SYCE1L: variants seen among roughly 807,000 people sequenced by gnomAD.
SYCE1L encodes the protein synaptonemal complex central element protein 1-like.
SYCE1L carries 51 observed loss-of-function variants against 39.6 expected under a neutral mutation model. The ratio of observed to expected loss-of-function variants is 1.29; its 90% confidence interval spans 1.03 to 1.63. The LOEUF (loss-of-function observed/expected upper bound fraction) is 1.63. Ranked by LOEUF, SYCE1L falls within the 40% of genes most tolerant of loss-of-function variation. The probability of loss-of-function intolerance (pLI) is 0.00; values close to 1 mark genes in which losing one functional copy is unlikely to be tolerated. For synonymous variants in SYCE1L, 147 were observed against 122.4 expected (o/e 1.20, Z -1.33); for missense variants, 426 against 304.9 (o/e 1.40, Z -2.96).
chr16:77,205,056 A>AAAAAAAAG (rs1471925292), intron 1 of SYCE1L, among the ~76,000 whole-genome samples: 11,245 of 139,944 alleles, frequency 0.08, 668 homozygotes, highest in East Asian at 0.24. Context: ...AAAAAAAAAA[A>AAAAAAAAG]AAAAGAAAAG....
chr16:77,205,433 A>AATATATATATATATATATATATATGT (rs145238524), intron 1 of SYCE1L, among the ~76,000 whole-genome samples: 23 of 145,294 alleles, frequency 1.6e-4, no homozygotes, highest in African/African-American at 5.5e-4. Context: ...CATAGAAGTA[A>AATATATATATATATATATATATATGT]ATATATATAT....
intron 5 of SYCE1L, 112 bp from the exon 6 acceptor site, chr16:77,209,305 C>A (rs1308236478): frequency 1.5e-6 from 2 of 1,376,032 alleles, no homozygotes; most frequent in African/African-American, 1.4e-5. Context: ...GAGTAAACAC[C>A]CAAGTCCTCA....
chr16:77,200,291 T>TATACATATATATATATATACAC, intron 1 of SYCE1L: 1 of 111,430 alleles, frequency 9.0e-6, no homozygotes, highest in African/African-American at 3.4e-5. Context: ...TATATATATA[T>TATACATATATATATATATACAC]ACACACACTA....
At chr16:77,211,158 C>T (rs1348171940) in intron 6 of SYCE1L, 55 bp from the exon 7 acceptor site, 6 of 1,544,372 alleles carry the variant, frequency 3.9e-6, no homozygotes, top group Non-Finnish European at 8.8e-7. Flanking sequence ...GAGGAGCCCC[C>T]AACAGGGTGT....
In SYCE1L at chr16:77,209,095, A is replaced by C. The variant is rs1281034916; in HGVS notation, c.257-2A>C. 1 of 1,551,690 alleles carries C rather than the reference A, an allele frequency of 6.4e-7. No homozygotes were observed. The highest frequency in any genetic ancestry group is 1.2e-5 in the South Asian group (1 of 84,064). On this transcript the variant is annotated splice_acceptor_variant, in intron 4 of 10. Coordinates refer to ENST00000378644, the MANE Select transcript of SYCE1L (RefSeq NM_001129979.3). LOFTEE classifies it high-confidence loss of function. ...GGCAGAAAGTGTCATTGTGTTTTCCAGTGAATGGAGAGAAAGTGCACCTAG... is the reference window on the plus strand; with the variant it reads ...GGCAGAAAGTGTCATTGTGTTTTCCCGTGAATGGAGAGAAAGTGCACCTAG...
chr16:77,211,585 G>A (rs969255649), intron 7 of SYCE1L, among the ~76,000 whole-genome samples: 2 of 152,178 alleles, frequency 1.3e-5, no homozygotes, highest in East Asian at 3.8e-4. Context: ...GGAAAGCCAT[G>A]GTCAGGTCAT....
chr16:77,207,655 G>A (rs57007576), intron 2 of SYCE1L, among the ~76,000 whole-genome samples: 2 of 152,024 alleles, frequency 1.3e-5, no homozygotes, highest in Non-Finnish European at 1.5e-5. Context: ...AGGCTTCCAC[G>A]GTGGCCCAAG....
chr16:77,205,056 A>AAAAAAAAAAAAAG (rs1471925292), intron 1 of SYCE1L, among the ~76,000 whole-genome samples: 27 of 140,732 alleles, frequency 1.9e-4, no homozygotes, highest in Middle Eastern at 3.9e-3. Context: ...AAAAAAAAAA[A>AAAAAAAAAAAAAG]AAAAGAAAAG....
chr16:77,207,226 A>G (rs552679032), intron 2 of SYCE1L, among the ~76,000 whole-genome samples: 2 of 152,334 alleles, frequency 1.3e-5, no homozygotes, highest in East Asian at 3.9e-4. Flanking sequence ...TCTCCTGGAA[A>G]TCACAGAAGC....
At chr16:77,208,387 G>A (rs1424146) in intron 3 of SYCE1L, 78 bp from the exon 4 acceptor site, 1,502,960 of 1,544,478 alleles carry the variant, frequency 0.97, 731,478 homozygotes, top group East Asian at 1. Context: ...GAAGATGACT[G>A]TGCAATGTCA....
At chr16:77,209,858 C>G (rs1240708139) in intron 6 of SYCE1L, among the ~76,000 whole-genome samples, 1 of 152,184 alleles carries the variant, frequency 6.6e-6, no homozygotes, top group East Asian at 1.9e-4. Context: ...ACTCATTCAT[C>G]CATTCATCCA....
intron 2 of SYCE1L, 52 bp downstream of exon 2, chr16:77,206,552 G>C: frequency 6.5e-7 from 1 of 1,534,570 alleles, no homozygotes; most frequent in Non-Finnish European, 8.8e-7. Context: ...AAGTCAGAAA[G>C]ACATGGTACA....
chr16:77,202,664 G>C (rs1049971431), intron 1 of SYCE1L, among the ~76,000 whole-genome samples: 3 of 152,192 alleles, frequency 2.0e-5, no homozygotes, highest in Non-Finnish European at 4.4e-5. Context: ...TATTAATCTT[G>C]TCAGTTGTGA....
At chr16:77,203,290 G>A (rs1481076497) in intron 1 of SYCE1L, among the ~76,000 whole-genome samples, 2 of 152,152 alleles carry the variant, frequency 1.3e-5, no homozygotes, top group African/African-American at 2.4e-5. Context: ...GGTGAGGGGA[G>A]ACTTTTCCTT....
At chr16:77,200,288 A>ATG in intron 1 of SYCE1L, 4 of 128,516 alleles carry the variant, frequency 3.1e-5, no homozygotes, top group Non-Finnish European at 5.0e-5. Context: ...ATATATATAT[A>ATG]TATACACACA....
chr16:77,206,256 C>G (rs2054784894), intron 1 of SYCE1L, among the ~76,000 whole-genome samples, 185 bp from the exon 2 acceptor site: 1 of 152,076 alleles, frequency 6.6e-6, no homozygotes, highest in African/African-American at 2.4e-5. Flanking sequence ...CCTGATTTAT[C>G]TAGCACACAC....
intron 7 of SYCE1L, 42 bp from the exon 8 acceptor site, chr16:77,212,086 CAA>C: frequency 2.0e-6 from 3 of 1,529,474 alleles, no homozygotes; most frequent in Non-Finnish European, 2.6e-6. Context: ...GCCGTGTAGC[CAA>C]GAGGACGGCC....
At position 77,212,114 on chromosome 16, in the gene SYCE1L, C is replaced by T; in HGVS notation, c.424-16C>T. On this transcript the variant is annotated splice_polypyrimidine_tract_variant and intron_variant, in intron 7 of 10. Transcript: ENST00000378644. Reference sequence around the variant, plus strand: ...GAGGACGGCCAAACGGGGAGGCCTCCTCTTTGTCCTCGCAGATGCTGGAGC... The same window carrying T: ...GAGGACGGCCAAACGGGGAGGCCTCTTCTTTGTCCTCGCAGATGCTGGAGC... The T allele has an allele frequency of 1.3e-6, 2 of 1,546,382 alleles. No individual in the cohort carries two copies. The highest frequency in any genetic ancestry group is 1.7e-6 in the Non-Finnish European group (2 of 1,145,316).
At chr16:77,212,675 C>T in intron 10 of SYCE1L, 29 bp downstream of exon 10, 1 of 1,521,178 alleles carries the variant, frequency 6.6e-7, no homozygotes, top group Non-Finnish European at 8.8e-7. Context: ...GGAGGCGGGG[C>T]GGGCAGGGAC....
Sources: gnomAD v4.1 joint callset for allele counts (sites outside exome capture counted in the v4.1 genomes callset) on GRCh38, gnomAD v4.1.1 for gene constraint, MANE v1.5 for transcripts, NCBI Gene and HGNC (gene_info 2026-07-23, HGNC 2026-07-21) for gene names.